PRKD1: variants seen among roughly 807,000 people sequenced by gnomAD.
PRKD1 encodes protein kinase D1.
In PRKD1, 63 loss-of-function variants were observed where a neutral mutation model predicts 95.9. That is an observed-to-expected ratio of 0.66 (90% CI 0.54 to 0.81). The LOEUF (loss-of-function observed/expected upper bound fraction) is 0.81, where lower values mean the gene tolerates loss of function less well. Among genes scored for constraint, PRKD1 ranks in the 30% least tolerant of loss-of-function variants. The pLI is 0.00. For missense variants in PRKD1, 1,048 were observed against 1,165.3 expected (o/e 0.90, Z 1.47); for synonymous variants, 425 against 423.1 (o/e 1.00, Z -0.05).
chr14:29,815,565 T>C (rs1026676129), intron 1 of PRKD1, among the ~76,000 whole-genome samples: 1 of 152,244 alleles, frequency 6.6e-6, no homozygotes, highest in Non-Finnish European at 1.5e-5. Context: ...TACTATGCAA[T>C]GGAACATTCA....
chr14:29,649,361 C>T (rs1179929452), intron 4 of PRKD1, among the ~76,000 whole-genome samples: 1 of 151,542 alleles, frequency 6.6e-6, no homozygotes, highest in African/African-American at 2.4e-5. Flanking sequence ...TTTCCTGTGG[C>T]TTTCCTTTTG....
intron 1 of PRKD1, among the ~76,000 whole-genome samples, chr14:29,786,853 T>C (rs1233356059): frequency 6.6e-6 from 1 of 152,144 alleles, no homozygotes; most frequent in Non-Finnish European, 1.5e-5. Context: ...CTGATCTTTA[T>C]TTCTTTCCTT....
chr14:29,634,688 GGTTCTGAAA>G, intron 7 of PRKD1, 147 bp from the exon 8 acceptor site: 2 of 1,113,676 alleles, frequency 1.8e-6, no homozygotes, highest in Non-Finnish European at 2.6e-6. Context: ...CAGGCACCAT[GGTTCTGAAA>G]GTGGGTTACT....
At chr14:29,741,098 G>T (rs1002336628) in intron 1 of PRKD1, among the ~76,000 whole-genome samples, 28 of 152,162 alleles carry the variant, frequency 1.8e-4, no homozygotes, top group African/African-American at 6.7e-4. Context: ...ACATTATTGG[G>T]GCCTAATTGA....
chr14:29,613,035 T>A (rs1878585768), intron 13 of PRKD1, among the ~76,000 whole-genome samples: 1 of 152,010 alleles, frequency 6.6e-6, no homozygotes, highest in Admixed American at 6.5e-5. Context: ...GAGGTGGAGC[T>A]TGCAGTGAGC....
Position 29,636,432 on chromosome 14 carries a change from T to C in PRKD1, c.1048A>G (p.Ser350Gly), listed in dbSNP as rs1392030138. 3 of 1,614,138 alleles carry C rather than the reference T, an allele frequency of 1.9e-6. No homozygotes were observed. The highest frequency in any genetic ancestry group is 2.5e-6 in the Non-Finnish European group (3 of 1,180,010). Residue 350 changes from serine (S) to glycine (G), a missense_variant, in exon 7 of 18, where the codon AGT (serine) becomes GGT (glycine). By Grantham distance (56) the Ser-to-Gly change is moderately conservative (BLOSUM62 0). Coordinates refer to ENST00000331968, the MANE Select transcript of PRKD1 (RefSeq NM_002742.3). ...TCCATGAGCCCACTGTTCCTTTCACTATCATTGTCATCACTCCCTTCTTCC... is the reference window on the plus strand; with the variant it reads ...TCCATGAGCCCACTGTTCCTTTCACCATCATTGTCATCACTCCCTTCTTCC... ...VMEEGSDDND[S>G]ERNSGLMDDM...
intron 1 of PRKD1, among the ~76,000 whole-genome samples, chr14:29,765,719 T>C (rs748998182): frequency 1.2e-4 from 19 of 152,138 alleles, no homozygotes; most frequent in Admixed American, 6.5e-5. Flanking sequence ...AAACTACAAC[T>C]ATAAACAACA....
chr14:29,868,506 G>T (rs756388354), intron 1 of PRKD1, among the ~76,000 whole-genome samples: 2 of 152,128 alleles, frequency 1.3e-5, no homozygotes, highest in Non-Finnish European at 2.9e-5. Context: ...TGTATGAAGC[G>T]TATGGAGGTA....
At chr14:29,862,127 T>C (rs1019510545) in intron 1 of PRKD1, among the ~76,000 whole-genome samples, 3 of 152,210 alleles carry the variant, frequency 2.0e-5, no homozygotes, top group Non-Finnish European at 2.9e-5. Context: ...TGAGGACATG[T>C]GAGGTTTATC....
intron 2 of PRKD1, among the ~76,000 whole-genome samples, chr14:29,700,187 C>A (rs1187790810): frequency 2.6e-5 from 4 of 151,636 alleles, no homozygotes; most frequent in Admixed American, 2.6e-4. Flanking sequence ...TTAAAAAAAC[C>A]AGACATTCGC....
At chr14:29,617,899 T>G (rs1451583299) in intron 13 of PRKD1, among the ~76,000 whole-genome samples, 1 of 123,470 alleles carries the variant, frequency 8.1e-6, no homozygotes, top group Non-Finnish European at 1.8e-5. Flanking sequence ...AGGCTCCATC[T>G]CTACCAAAAA....
intron 13 of PRKD1, among the ~76,000 whole-genome samples, chr14:29,608,844 A>G (rs1421284600): frequency 6.6e-6 from 1 of 152,234 alleles, no homozygotes. Context: ...GTTTGCAATT[A>G]AAACAGGCTC....
intron 1 of PRKD1, among the ~76,000 whole-genome samples, chr14:29,744,545 T>G (rs957568244): frequency 6.6e-6 from 1 of 152,064 alleles, no homozygotes; most frequent in East Asian, 1.9e-4. Flanking sequence ...AATCATTCTT[T>G]TTATTAAAAA....
intron 2 of PRKD1, among the ~76,000 whole-genome samples, chr14:29,721,061 G>A (rs1017120869): frequency 6.6e-6 from 1 of 152,056 alleles, no homozygotes; most frequent in African/African-American, 2.4e-5. Flanking sequence ...CATCAAAATG[G>A]TTATTATGTT....
rs1425147156 is a variant in PRKD1 at position 29,636,419 on chromosome 14, C to T, written c.1061G>A (p.Ser354Asn). Residue 354 changes from serine (S) to asparagine (N), a missense_variant, in exon 7 of 18, where the codon AGT (serine) becomes AAT (asparagine). Ser to Asn is a conservative substitution (Grantham distance 46). This residue lies in a region of PRKD1 where 739 missense variants were observed against 861.9 expected (regional missense o/e 0.86). Transcript: ENST00000331968. ...GSDDNDSERN[S>N]GLMDDMEEAM... is the part of the protein sequence containing the mutation. ...TTCTTCCATATCATCCATGAGCCCA[C>T]TGTTCCTTTCACTATCATTGTCATC... 1 of 1,614,062 alleles carries T rather than the reference C, an allele frequency of 6.2e-7. No homozygotes were observed. The highest frequency in any genetic ancestry group is 1.3e-5 in the African/African-American group (1 of 74,918).
intron 13 of PRKD1, among the ~76,000 whole-genome samples, chr14:29,608,995 TCAA>T (rs1878226994): frequency 6.6e-6 from 1 of 152,180 alleles, no homozygotes; most frequent in South Asian, 2.1e-4. Context: ...TGACATGACT[TCAA>T]CAAGACCAAA....
chr14:29,889,891 A>G (rs1893879121), intron 1 of PRKD1, among the ~76,000 whole-genome samples: 1 of 152,240 alleles, frequency 6.6e-6, no homozygotes, highest in Non-Finnish European at 1.5e-5. Flanking sequence ...TATAATAATA[A>G]TTTAAAAAAT....
chr14:29,654,456 G>T (rs1881718332), intron 4 of PRKD1, among the ~76,000 whole-genome samples: 1 of 152,182 alleles, frequency 6.6e-6, no homozygotes, highest in African/African-American at 2.4e-5. Context: ...TTATAGGTGT[G>T]AGCCACTGTG....
intron 2 of PRKD1, among the ~76,000 whole-genome samples, chr14:29,688,843 G>A (rs1394821605): frequency 6.8e-6 from 1 of 147,262 alleles, no homozygotes; most frequent in Non-Finnish European, 1.5e-5. Flanking sequence ...TGAGGCAGGA[G>A]AACTGTGTGA....
Sources: gnomAD v4.1 joint callset for allele counts (sites outside exome capture counted in the v4.1 genomes callset) on GRCh38, gnomAD v4.1.1 for gene constraint, gnomAD v4.1.1 regional missense constraint, MANE v1.5 for transcripts, NCBI Gene and HGNC (gene_info 2026-07-23, HGNC 2026-07-21) for gene names.